EPB41L5: variants seen among roughly 807,000 people sequenced by gnomAD.
EPB41L5 encodes erythrocyte membrane protein band 4.1 like 5, also known as band 4.1-like protein 5.
In EPB41L5, 55 loss-of-function variants were observed where a neutral mutation model predicts 106.6. The ratio of observed to expected loss-of-function variants is 0.52; its 90% CI spans 0.42 to 0.65. The LOEUF is 0.65. Ranked by LOEUF, EPB41L5 falls within the 30% of genes least tolerant of loss-of-function variation. EPB41L5 has a pLI of 0.00. For missense variants in EPB41L5, 871 were observed against 882.1 expected, an observed-to-expected ratio of 0.99 and a Z score of 0.16; for synonymous variants, 297 against 306.7, an observed-to-expected ratio of 0.97 and a Z score of 0.33.
chr2:120,165,967 C>CAAAAA (rs536664071), intron 22 of EPB41L5, among the ~76,000 whole-genome samples: 11 of 27,978 alleles, frequency 3.9e-4, no homozygotes, highest in African/African-American at 1.3e-3. Context: ...GACTCCGTCT[C>CAAAAA]AAAAAAAAAA....
At chr2:120,017,432 G>C (rs1463049020) in intron 1 of EPB41L5, among the ~76,000 whole-genome samples, 3 of 152,088 alleles carry the variant, frequency 2.0e-5, no homozygotes, top group African/African-American at 4.8e-5. Flanking sequence ...ACAGCTTCTT[G>C]TTTTCTTTGG....
chr2:120,022,042 C>A (rs1266514302), intron 2 of EPB41L5, among the ~76,000 whole-genome samples: 1 of 152,090 alleles, frequency 6.6e-6, no homozygotes, highest in Non-Finnish European at 1.5e-5. Flanking sequence ...AAATTTCTAT[C>A]TAATTTTTAA....
chr2:120,121,398 T>A lies in EPB41L5; in HGVS notation c.1338-6290T>A, dbSNP rs536476695. ...CCAGTGTGTGGTGTTCCCTGCCTTG[T>A]GTCCAAGTGTTTTCATTGTTCAGTT... On this transcript the variant is annotated intron_variant, in intron 16 of 24. Transcript: ENST00000263713. Among the ~76,000 whole-genome samples the A allele has an allele frequency of 7.2e-5, 11 of 152,218 alleles. No homozygotes were observed. The East Asian group carries it at 1.7e-3, about 24-fold the overall frequency.
At chr2:120,015,556 C>T (rs1457521744) in intron 1 of EPB41L5, among the ~76,000 whole-genome samples, 1 of 152,100 alleles carries the variant, frequency 6.6e-6, no homozygotes, top group Non-Finnish European at 1.5e-5. Flanking sequence ...TATCCCATCT[C>T]CGTGTAGGAT....
chr2:120,102,088 A>T (rs1684175727), intron 16 of EPB41L5, among the ~76,000 whole-genome samples: 1 of 152,208 alleles, frequency 6.6e-6, no homozygotes, highest in African/African-American at 2.4e-5. Context: ...GTTTGCAAGG[A>T]AAAATAGTAT....
chr2:120,112,032 G>C (rs556968168), intron 16 of EPB41L5, among the ~76,000 whole-genome samples: 62 of 152,064 alleles, frequency 4.1e-4, no homozygotes, highest in African/African-American at 1.4e-3. Context: ...TTTCTTATTG[G>C]AGAAGCCTTT....
At chr2:120,085,220 T>C (rs1436227441) in intron 10 of EPB41L5, among the ~76,000 whole-genome samples, 2 of 152,180 alleles carry the variant, frequency 1.3e-5, no homozygotes, top group Non-Finnish European at 2.9e-5. Flanking sequence ...ATTTTCAGCT[T>C]TTCTGCTCTG....
In EPB41L5 at chr2:120,042,090, A is replaced by G. The variant is rs376981728; in HGVS notation, c.265A>G (p.Met89Val). The stretch of plus-strand genomic sequence containing the variant: ...AAGCGACTATTTTGGTCTGAGATTT[A>G]TGGATTCAGCACAAGTAGCAGTGAG... The part of the protein sequence containing the change: ...IESDYFGLRF[M>V]DSAQVAHWLD... Residue 89 changes from methionine to valine, a missense_variant, in exon 3 of 25, where the codon ATG becomes GTG. Physicochemically the swap from Met to Val is conservative, Grantham distance 21 (BLOSUM62 1). Coordinates refer to ENST00000263713, the MANE Select transcript of EPB41L5 (RefSeq NM_020909.4). 44 of 1,613,494 alleles carry G rather than the reference A, an allele frequency of 2.7e-5. No homozygotes were observed. The highest frequency in any genetic ancestry group is 9.9e-5 in the South Asian group (9 of 91,050).
chr2:120,039,952 G>A (rs971332945), intron 2 of EPB41L5, among the ~76,000 whole-genome samples: 3 of 151,826 alleles, frequency 2.0e-5, no homozygotes, highest in Admixed American at 6.6e-5. Flanking sequence ...GATCAGGTAT[G>A]TATTCCTCAG....
At chr2:120,101,237 G>A (rs945715022) in intron 16 of EPB41L5, among the ~76,000 whole-genome samples, 3 of 152,172 alleles carry the variant, frequency 2.0e-5, no homozygotes, top group African/African-American at 7.2e-5. Flanking sequence ...CATTAAAGAC[G>A]AAGGGTAAAG....
intron 10 of EPB41L5, among the ~76,000 whole-genome samples, 161 bp downstream of exon 10, chr2:120,078,742 C>G (rs1574610380): frequency 6.6e-6 from 1 of 152,156 alleles, no homozygotes; most frequent in African/African-American, 2.4e-5. Context: ...TATTCCTACT[C>G]TCCAGAGGCA....
At chr2:120,057,530 G>C (rs1238694417) in intron 3 of EPB41L5, among the ~76,000 whole-genome samples, 1 of 151,940 alleles carries the variant, frequency 6.6e-6, no homozygotes, top group Non-Finnish European at 1.5e-5. Context: ...CCCTTCTTTA[G>C]CAAATGAATA....
intron 16 of EPB41L5, among the ~76,000 whole-genome samples, chr2:120,101,331 T>C (rs956546977): frequency 1.3e-5 from 2 of 152,236 alleles, no homozygotes; most frequent in Non-Finnish European, 2.9e-5. Flanking sequence ...AGGAAAAAGA[T>C]ACTTTAATTA....
intron 2 of EPB41L5, among the ~76,000 whole-genome samples, chr2:120,022,803 T>C (rs1678028674): frequency 6.6e-6 from 1 of 152,188 alleles, no homozygotes; most frequent in Non-Finnish European, 1.5e-5. Context: ...CCACTAACAG[T>C]GTAAAAGCAT....
chr2:120,095,889 C>T (rs138156691), intron 14 of EPB41L5, among the ~76,000 whole-genome samples: 7,435 of 152,070 alleles, frequency 0.049, 215 homozygotes, highest in African/African-American at 0.067. Context: ...AGGCTGGTTT[C>T]GAACTCTTGA....
chr2:120,019,311 T>A (rs1309613604), intron 2 of EPB41L5, 47 bp downstream of exon 2: 20 of 1,535,442 alleles, frequency 1.3e-5, no homozygotes, highest in Middle Eastern at 1.7e-4. Flanking sequence ...GATTACTGTC[T>A]TTGTTTGTTT....
At chr2:120,017,076 C>T (rs541480743) in intron 1 of EPB41L5, among the ~76,000 whole-genome samples, 3 of 152,252 alleles carry the variant, frequency 2.0e-5, no homozygotes, top group Non-Finnish European at 2.9e-5. Context: ...CGGATTTTAT[C>T]GGGTTTATAA....
At chr2:120,125,488 C>T (rs1157447137) in intron 16 of EPB41L5, among the ~76,000 whole-genome samples, 1 of 152,112 alleles carries the variant, frequency 6.6e-6, no homozygotes, top group Non-Finnish European at 1.5e-5. Flanking sequence ...AAGAACACTC[C>T]CTGTGCCACC....
At chr2:120,077,739 A>C (rs1682348672) in intron 9 of EPB41L5, among the ~76,000 whole-genome samples, 1 of 152,120 alleles carries the variant, frequency 6.6e-6, no homozygotes, top group African/African-American at 2.4e-5. Context: ...ACAGCTTTGT[A>C]GTGATTTAAG....
Sources: allele counts gnomAD v4.1 joint callset (sites outside exome capture counted in the v4.1 genomes callset), GRCh38; gene constraint gnomAD v4.1.1; transcripts MANE v1.5; gene names NCBI Gene and HGNC (gene_info 2026-07-23, HGNC 2026-07-21).